Variants in DYM observed in about 807,000 individuals in gnomAD.
DYM encodes dyggve-Melchior-Clausen syndrome protein.
Under a neutral mutation model 93.1 loss-of-function variants are expected in DYM, and 78 were observed. That is an observed-to-expected ratio of 0.84 (90% CI 0.70 to 1.01). The LOEUF (loss-of-function observed/expected upper bound fraction) is 1.01, where lower values mean the gene tolerates loss of function less well. Among genes scored for constraint, DYM ranks in the 50% least tolerant of loss-of-function variants. DYM has a pLI of 0.00. For synonymous variants in DYM, 321 were observed against 319.7 expected (o/e 1.00, Z -0.04); for missense variants, 789 against 845.0 (o/e 0.93, Z 0.82).
At chr18:49,214,275 G>C (rs1332561842) in intron 13 of DYM, among the ~76,000 whole-genome samples, 10 of 152,172 alleles carry the variant, frequency 6.6e-5, no homozygotes, top group Admixed American at 6.5e-4. Context: ...ATTACCACCT[G>C]AGCTCCGCCT....
chr18:49,296,198 G>C (rs1199396554), intron 8 of DYM, among the ~76,000 whole-genome samples: 2 of 152,122 alleles, frequency 1.3e-5, no homozygotes, highest in Admixed American at 6.5e-5. Context: ...CAACGTGCTA[G>C]GATTACAGGC....
intron 15 of DYM, among the ~76,000 whole-genome samples, chr18:49,150,883 C>T (rs1246806972): frequency 2.0e-5 from 3 of 152,138 alleles, no homozygotes; most frequent in Admixed American, 6.5e-5. Context: ...ATTAAACAAA[C>T]GTGCCAAGTA....
intron 16 of DYM, among the ~76,000 whole-genome samples, chr18:49,112,078 G>A (rs902718349): frequency 9.2e-5 from 14 of 151,688 alleles, no homozygotes; most frequent in Admixed American, 7.9e-4. Flanking sequence ...CCTATGCCCC[G>A]AGGGCAACAA....
At chr18:49,261,497 C>T (rs1482716949) in intron 11 of DYM, among the ~76,000 whole-genome samples, 1 of 152,124 alleles carries the variant, frequency 6.6e-6, no homozygotes, top group African/African-American at 2.4e-5. Flanking sequence ...ATGGTGAAAC[C>T]CCGTCTCTAC....
intron 17 of DYM, among the ~76,000 whole-genome samples, chr18:49,096,343 T>C (rs959917227): frequency 6.6e-6 from 1 of 152,202 alleles, no homozygotes. Context: ...TTTTACAAAC[T>C]CTGTTATTAT....
chr18:49,397,011 G>C (rs1183792689), intron 2 of DYM, among the ~76,000 whole-genome samples: 1 of 152,150 alleles, frequency 6.6e-6, no homozygotes, highest in East Asian at 1.9e-4. Context: ...GGTGACTAGA[G>C]TTAACAATAA....
In DYM at chr18:49,430,740, C is replaced by T. The variant is rs559361148; in HGVS notation, c.-53-293G>A. On this transcript the variant is annotated intron_variant, in intron 1 of 17. Transcript: ENST00000675505. Reference sequence around the variant, plus strand: ...TCTCTACTAAAAATACAAAACTTAGCTGGGCGTGGTGGCACGCACCCGTAG... The same window carrying T: ...TCTCTACTAAAAATACAAAACTTAGTTGGGCGTGGTGGCACGCACCCGTAG... Among the ~76,000 whole-genome samples the T allele has an allele frequency of 2.0e-5, 3 of 152,212 alleles. No homozygotes were observed. In the South Asian group the frequency reaches 6.2e-4, roughly 32 times the overall value.
chr18:49,249,102 T>G (rs2094231525), intron 13 of DYM, among the ~76,000 whole-genome samples: 1 of 152,084 alleles, frequency 6.6e-6, no homozygotes, highest in African/African-American at 2.4e-5. Flanking sequence ...GGTGAGCGAG[T>G]CACTCTCAGA....
intron 1 of DYM, among the ~76,000 whole-genome samples, chr18:49,440,288 A>G (rs1335235210): frequency 1.4e-5 from 2 of 138,706 alleles, no homozygotes; most frequent in Non-Finnish European, 3.1e-5. Context: ...CACAAATTCT[A>G]CACTCTATTC....
intron 13 of DYM, among the ~76,000 whole-genome samples, chr18:49,250,723 A>G (rs2144951742): frequency 6.6e-6 from 1 of 152,348 alleles, no homozygotes; most frequent in African/African-American, 2.4e-5. Flanking sequence ...TTGAAAAAGA[A>G]AAACCTACAG....
intron 14 of DYM, among the ~76,000 whole-genome samples, chr18:49,180,285 T>C (rs1421708355): frequency 6.6e-6 from 1 of 152,182 alleles, no homozygotes; most frequent in Non-Finnish European, 1.5e-5. Flanking sequence ...ATTTCTGTGT[T>C]CCTTTTGAAA....
chr18:49,359,274 T>C (rs1215103174), intron 6 of DYM, among the ~76,000 whole-genome samples: 1 of 152,158 alleles, frequency 6.6e-6, no homozygotes, highest in Non-Finnish European at 1.5e-5. Context: ...ATCGATCCAA[T>C]ACACACTGAA....
chr18:49,167,384 A>C (rs1261742371), intron 14 of DYM, among the ~76,000 whole-genome samples: 1 of 152,180 alleles, frequency 6.6e-6, no homozygotes, highest in Admixed American at 6.5e-5. Context: ...TATCTTTAAG[A>C]AATTCTCTGT....
intron 6 of DYM, among the ~76,000 whole-genome samples, chr18:49,352,274 G>A (rs1033118349): frequency 5.9e-5 from 9 of 152,104 alleles, no homozygotes; most frequent in South Asian, 2.1e-4. Flanking sequence ...AAAATGTTCC[G>A]GTATTAGATA....
intron 13 of DYM, among the ~76,000 whole-genome samples, chr18:49,217,499 A>G (rs1289747514): frequency 2.6e-5 from 4 of 152,230 alleles, no homozygotes; most frequent in Non-Finnish European, 5.9e-5. Context: ...AAGGGCAGCC[A>G]GAGAGAAAGG....
At chr18:49,159,851 AAGC>A (rs2086885841) in intron 15 of DYM, among the ~76,000 whole-genome samples, 1 of 152,214 alleles carries the variant, frequency 6.6e-6, no homozygotes, top group Non-Finnish European at 1.5e-5. Context: ...TAGGGAAACA[AAGC>A]TTATATGGTA....
At chr18:49,346,600 C>G (rs1324601541) in intron 6 of DYM, among the ~76,000 whole-genome samples, 2 of 147,490 alleles carry the variant, frequency 1.4e-5, no homozygotes, top group Admixed American at 1.3e-4. Flanking sequence ...CTGCAAACCA[C>G]TGAACTGTAT....
chr18:49,290,777 A>G (rs988473808), intron 8 of DYM, among the ~76,000 whole-genome samples: 3 of 152,156 alleles, frequency 2.0e-5, no homozygotes, highest in African/African-American at 7.2e-5. Flanking sequence ...GTCATTCGTC[A>G]TGGAGCAGAG....
At chr18:49,316,447 T>C (rs2061946826) in intron 8 of DYM, among the ~76,000 whole-genome samples, 1 of 152,096 alleles carries the variant, frequency 6.6e-6, no homozygotes, top group South Asian at 2.1e-4. Context: ...ACTTCCAAAT[T>C]ATAGAAGAAA....
Sources: gnomAD v4.1 joint callset for allele counts (sites outside exome capture counted in the v4.1 genomes callset) on GRCh38, gnomAD v4.1.1 for gene constraint, MANE v1.5 for transcripts, NCBI Gene and HGNC (gene_info 2026-07-23, HGNC 2026-07-21) for gene names.